KCNMB2: variants seen among roughly 807,000 people sequenced by gnomAD.
KCNMB2 encodes the protein calcium-activated potassium channel subunit beta-2.
A neutral mutation model predicts 24.5 loss-of-function variants in KCNMB2; 9 were observed. That is an observed-to-expected ratio of 0.37 (90% confidence interval 0.22 to 0.64). KCNMB2 has a LOEUF of 0.64. Among genes scored for constraint, KCNMB2 ranks in the 30% least tolerant of loss-of-function variants. The pLI is 0.63. For synonymous variants in KCNMB2, 109 were observed against 104.4 expected (o/e 1.04, Z -0.27); for missense variants, 226 against 284.3 (o/e 0.79, Z 1.47).
At chr3:178,555,949 A>G (rs1028068549) in intron 1 of KCNMB2, among the ~76,000 whole-genome samples, 2 of 152,248 alleles carry the variant, frequency 1.3e-5, no homozygotes, top group African/African-American at 4.8e-5. Flanking sequence ...TCTTAAACAA[A>G]GGCTCGAATA....
At chr3:178,574,505 G>A (rs542796833) in intron 1 of KCNMB2, among the ~76,000 whole-genome samples, 1 of 152,286 alleles carries the variant, frequency 6.6e-6, no homozygotes, top group African/African-American at 2.4e-5. Flanking sequence ...ACCATGTAAT[G>A]TTGATTCTCT....
chr3:178,689,188 TGTTA>T (rs34008094), intron 1 of KCNMB2, among the ~76,000 whole-genome samples: 9,491 of 152,234 alleles, frequency 0.062, 293 homozygotes, highest in Non-Finnish European at 0.073. Flanking sequence ...CTCAAAAAAA[TGTTA>T]GTTAAAAAAA....
chr3:178,819,146 T>A (rs1577212496), intron 2 of KCNMB2, among the ~76,000 whole-genome samples: 1 of 152,228 alleles, frequency 6.6e-6, no homozygotes, highest in East Asian at 1.9e-4. Flanking sequence ...TTCTGTTTTT[T>A]TCTTCTACCA....
At chr3:178,703,260 T>C (rs953422291) in intron 1 of KCNMB2, among the ~76,000 whole-genome samples, 14 of 152,172 alleles carry the variant, frequency 9.2e-5, no homozygotes, top group African/African-American at 2.9e-4. Flanking sequence ...AGACTCATTT[T>C]GCAAGTGAGA....
intron 1 of KCNMB2, among the ~76,000 whole-genome samples, chr3:178,547,772 C>T (rs1351790036): frequency 1.3e-5 from 2 of 152,218 alleles, no homozygotes; most frequent in Admixed American, 6.5e-5. Flanking sequence ...GAAGCCATCT[C>T]TCCAGCTGCA....
At chr3:178,566,787 C>T (rs572497707) in intron 1 of KCNMB2, among the ~76,000 whole-genome samples, 69 of 152,304 alleles carry the variant, frequency 4.5e-4, no homozygotes, top group African/African-American at 1.6e-3. Context: ...ACTAAGGATA[C>T]ATTTACAGTG....
At chr3:178,813,873 T>C (rs1415639329) in intron 2 of KCNMB2, among the ~76,000 whole-genome samples, 1 of 152,192 alleles carries the variant, frequency 6.6e-6, no homozygotes, top group East Asian at 1.9e-4. Context: ...AATTGACCAA[T>C]ATGAAGATAA....
At chr3:178,574,330 A>T (rs1457555703) in intron 1 of KCNMB2, among the ~76,000 whole-genome samples, 1 of 152,136 alleles carries the variant, frequency 6.6e-6, no homozygotes, top group Non-Finnish European at 1.5e-5. Context: ...TACCATTTTA[A>T]CCTGGCTCCT....
chr3:178,555,543 G>T (rs1716094427), intron 1 of KCNMB2, among the ~76,000 whole-genome samples: 1 of 152,204 alleles, frequency 6.6e-6, no homozygotes, highest in Non-Finnish European at 1.5e-5. Context: ...TGATGGGTGA[G>T]CAATCAAAAC....
chr3:178,750,298 T>A (rs1180309762), intron 1 of KCNMB2, among the ~76,000 whole-genome samples: 2 of 152,172 alleles, frequency 1.3e-5, no homozygotes, highest in Admixed American at 1.3e-4. Context: ...GTTTTGACTT[T>A]GACTTTTTTT....
In KCNMB2 at chr3:178,576,630, G is replaced by A. The variant is rs547162192; in HGVS notation, c.-68+39919G>A. Among the ~76,000 whole-genome samples, 57 of 152,260 alleles carry A rather than the reference G, an allele frequency of 3.7e-4. No individual in the cohort carries two copies. In the South Asian group the frequency reaches 0.012, roughly 31 times the overall value. On this transcript the variant is annotated intron_variant, in intron 1 of 4. Transcript: ENST00000452583. Reference sequence around the variant, plus strand: ...GCTGCCAGCACAGCAGTCTGAAGTCGACCTGGGAGGCTCAAGCTTGGTAGG... The same window carrying A: ...GCTGCCAGCACAGCAGTCTGAAGTCAACCTGGGAGGCTCAAGCTTGGTAGG...
intron 1 of KCNMB2, among the ~76,000 whole-genome samples, chr3:178,567,226 A>C (rs1031190244): frequency 6.6e-6 from 1 of 152,060 alleles, no homozygotes; most frequent in African/African-American, 2.4e-5. Flanking sequence ...CATGTGTGAG[A>C]GCGTGTGAGA....
rs1251956937 is a variant in KCNMB2 at position 178,825,665 on chromosome 3, A to G, written c.134A>G (p.Asp45Gly). 1 of 1,613,962 alleles carries G rather than the reference A, an allele frequency of 6.2e-7. No homozygotes were observed. Among genetic ancestry groups the G allele is most frequent in the Admixed American group, 1.7e-5 (1 of 60,028 alleles). Reference sequence around the variant, plus strand: ...GTCACAGCACTGAAGGCAGGAGAGGACCGAGCTATTCTCCTGGGACTGGCT... The same window carrying G: ...GTCACAGCACTGAAGGCAGGAGAGGGCCGAGCTATTCTCCTGGGACTGGCT... ...KTVTALKAGE[D>G]RAILLGLAMM... The change falls in exon 3 of 5, where the codon GAC (aspartate) becomes GGC (glycine). Residue 45 changes from aspartate (D) to glycine (G), a missense_variant. Transcript: ENST00000452583.
At chr3:178,715,394 T>C (rs1264518524) in intron 1 of KCNMB2, among the ~76,000 whole-genome samples, 1 of 148,798 alleles carries the variant, frequency 6.7e-6, no homozygotes, top group Non-Finnish European at 1.5e-5. Context: ...TTTCAGAAAG[T>C]TGGTGGTTGG....
At chr3:178,820,866 C>G (rs1714597021) in intron 2 of KCNMB2, among the ~76,000 whole-genome samples, 1 of 152,116 alleles carries the variant, frequency 6.6e-6, no homozygotes. Context: ...CAGAATGTTC[C>G]CTATATATAG....
At chr3:178,756,235 G>GGTGTGT (rs140203491) in intron 1 of KCNMB2, among the ~76,000 whole-genome samples, 1 of 149,024 alleles carries the variant, frequency 6.7e-6, no homozygotes. Flanking sequence ...TGTGGGTGTG[G>GGTGTGT]GTGTGTGTGT....
intron 1 of KCNMB2, among the ~76,000 whole-genome samples, chr3:178,558,213 A>T (rs1235243905): frequency 6.6e-6 from 1 of 152,234 alleles, no homozygotes; most frequent in Admixed American, 6.5e-5. Flanking sequence ...CAATACACAG[A>T]TAACTGACTG....
chr3:178,770,670 T>G (rs1029317770), intron 1 of KCNMB2, among the ~76,000 whole-genome samples: 36 of 152,126 alleles, frequency 2.4e-4, no homozygotes, highest in African/African-American at 8.2e-4. Flanking sequence ...TATGTGAAAA[T>G]GGTGCAGAGG....
intron 1 of KCNMB2, among the ~76,000 whole-genome samples, chr3:178,794,253 C>T (rs538873645): frequency 8.2e-4 from 124 of 152,138 alleles, no homozygotes; most frequent in Non-Finnish European, 1.4e-3. Context: ...TTCCCCTATC[C>T]TAGCTAGTCT....
Sources: allele counts gnomAD v4.1 joint callset (sites outside exome capture counted in the v4.1 genomes callset), GRCh38; gene constraint gnomAD v4.1.1; transcripts MANE v1.5; gene names NCBI Gene and HGNC (gene_info 2026-07-23, HGNC 2026-07-21).